The following PPP2R2C variants were observed in gnomAD, a reference collection of about 807,000 sequenced individuals.
The protein encoded by PPP2R2C is protein phosphatase 2 regulatory subunit Bgamma, also known as protein phosphatase 2, regulatory subunit B, gamma.
In PPP2R2C, 10 loss-of-function variants were observed where a neutral mutation model predicts 45.3. That is an observed-to-expected ratio of 0.22 (90% CI 0.14 to 0.37). PPP2R2C has a LOEUF of 0.37. PPP2R2C is among the 10% of genes least tolerant of loss of function. PPP2R2C has a pLI of 1.00. For synonymous variants in PPP2R2C, 257 were observed against 245.4 expected, an observed-to-expected ratio of 1.05 and a Z score of -0.44; for missense variants, 308 against 619.7, an observed-to-expected ratio of 0.50 and a Z score of 5.34.
rs71173440 is a variant in PPP2R2C at position 6,414,076 on chromosome 4, A to ATGTGTGTGTG, written c.71-32992_71-32983dup. 677 of 882,194 alleles carry ATGTGTGTGTG rather than the reference A, an allele frequency of 7.7e-4. 3 individuals are homozygous for ATGTGTGTGTG. The highest frequency in any genetic ancestry group is 2.1e-3 in the Middle Eastern group (6 of 2,870). The allele number at this position is 882,194 out of a possible 1,614,324, so 54.6% of individuals were successfully genotyped here. A position where few individuals can be genotyped will look rare whatever the true frequency, so the allele number is the denominator to read the frequency against. On this transcript the variant is annotated intron_variant, in intron 1 of 8. Transcript: ENST00000382599. ...ACAGTAACATAAGTTTTGCCTGTGT[A>ATGTGTGTGTG]TGTGTGTGTGTGTGTGTGTGTGTGT...
intron 1 of PPP2R2C, among the ~76,000 whole-genome samples, chr4:6,444,573 T>G (rs1720318672): frequency 6.6e-6 from 1 of 152,144 alleles, no homozygotes; most frequent in Non-Finnish European, 1.5e-5. Flanking sequence ...TCAGACCCCT[T>G]ATTTCCTATT....
chr4:6,333,672 CGGA>C lies in PPP2R2C; in HGVS notation c.847_849del (p.Ser283del). The C allele has an allele frequency of 6.2e-7, 1 of 1,614,106 alleles. No individual in the cohort carries two copies. Among genetic ancestry groups the C allele is most frequent in the Non-Finnish European group, 8.5e-7 (1 of 1,180,012 alleles). ...CTGTGGCTGAACTTCACGTCGGACA[CGGA>C]GGAGATGATTTCCGAGAAGAATGAG... On this transcript the variant is annotated inframe_deletion, in exon 7 of 9. Coordinates refer to ENST00000382599, the MANE Select transcript of PPP2R2C (RefSeq NM_020416.4).
At chr4:6,408,510 G>A (rs1024376265) in intron 1 of PPP2R2C, among the ~76,000 whole-genome samples, 2 of 152,186 alleles carry the variant, frequency 1.3e-5, no homozygotes, top group African/African-American at 4.8e-5. Context: ...CTGGGCCATC[G>A]TGAGCAGTAA....
intron 2 of PPP2R2C, among the ~76,000 whole-genome samples, chr4:6,490,523 C>T (rs771225092): frequency 2.6e-5 from 4 of 152,214 alleles, no homozygotes; most frequent in South Asian, 2.1e-4. Context: ...AGCACCCAAT[C>T]GTGCCTTGAG....
intron 6 of PPP2R2C, among the ~76,000 whole-genome samples, chr4:6,337,483 C>T (rs1178596466): frequency 1.3e-5 from 2 of 152,014 alleles, no homozygotes; most frequent in Admixed American, 6.6e-5. Context: ...GGAGGTGAGG[C>T]GGAGGTGAGT....
intron 1 of PPP2R2C, among the ~76,000 whole-genome samples, chr4:6,421,441 C>T (rs1242020066): frequency 6.6e-6 from 1 of 152,134 alleles, no homozygotes; most frequent in African/African-American, 2.4e-5. Context: ...CAATTCCGAG[C>T]ACCCCAAGTG....
At chr4:6,502,184 G>T (rs568235361) in intron 2 of PPP2R2C, among the ~76,000 whole-genome samples, 2 of 152,204 alleles carry the variant, frequency 1.3e-5, no homozygotes, top group African/African-American at 4.8e-5. Flanking sequence ...GCCCCTCAGG[G>T]TGGGGTAAAT....
intron 1 of PPP2R2C, among the ~76,000 whole-genome samples, chr4:6,562,414 A>G (rs1725605562): frequency 6.9e-6 from 1 of 145,154 alleles, no homozygotes; most frequent in Admixed American, 7.2e-5. Flanking sequence ...ACTTCTCTGC[A>G]CCTCAGTTTC....
intron 1 of PPP2R2C, among the ~76,000 whole-genome samples, chr4:6,453,825 G>A (rs902897525): frequency 6.6e-6 from 1 of 152,140 alleles, no homozygotes; most frequent in African/African-American, 2.4e-5. Context: ...CCCCACCGAG[G>A]GCCACGTTGG....
Position 6,381,032 on chromosome 4 carries a change from C to T in PPP2R2C, c.133G>A (p.Gly45Ser). The T allele has an allele frequency of 6.4e-7, 1 of 1,566,834 alleles. No homozygotes were observed. The highest frequency in any genetic ancestry group is 8.7e-7 in the Non-Finnish European group (1 of 1,152,084). ...TGELLATGDK[G>S]GRVVIFQREP... ...CGCTGGAAGATGACGACCCGGCCGC[C>T]CTTGTCACCTGTGGCCAGCAGCTCT... is the stretch of plus-strand genomic sequence containing the variant. Residue 45 changes from glycine (G) to serine (S), a missense_variant, in exon 2 of 9, where the codon GGC (glycine) becomes AGC (serine). By Grantham distance (56) the Gly-to-Ser change is moderately conservative. Transcript: ENST00000382599.
chr4:6,516,380 C>A (rs73088104), intron 2 of PPP2R2C, among the ~76,000 whole-genome samples: 1 of 152,224 alleles, frequency 6.6e-6, no homozygotes, highest in African/African-American at 2.4e-5. Flanking sequence ...CTCGTCTTAC[C>A]CGCAGTGCTG....
intron 2 of PPP2R2C, among the ~76,000 whole-genome samples, chr4:6,525,510 A>AC (rs1486698180): frequency 1.3e-5 from 2 of 151,340 alleles, no homozygotes; most frequent in Non-Finnish European, 3.0e-5. Context: ...TTAAAAAAAA[A>AC]CCTGAGTTCC....
At position 6,331,377 on chromosome 4, in the gene PPP2R2C, G is replaced by T. The variant is rs1732403722; in HGVS notation, c.961-2024C>A. On this transcript the variant is annotated intron_variant, in intron 7 of 8. Coordinates refer to ENST00000382599, the MANE Select transcript of PPP2R2C (RefSeq NM_020416.4). The surrounding 1 kb of genome is among the most constrained non-coding windows in gnomAD (Gnocchi z 5.9). The stretch of plus-strand genomic sequence containing the variant: ...ACCGGCCCCACCTCCCAGGACAGCT[G>T]GGAGGCTTAGATGAGGCAAAGCATA... Among the ~76,000 whole-genome samples the T allele has an allele frequency of 6.6e-6, 1 of 152,104 alleles. No individual in the cohort carries two copies. The highest frequency in any genetic ancestry group is 3.4e-3 in the Middle Eastern group (1 of 294).
intron 2 of PPP2R2C, among the ~76,000 whole-genome samples, chr4:6,519,893 G>A (rs914446600): frequency 6.9e-5 from 9 of 131,118 alleles, no homozygotes; most frequent in African/African-American, 2.6e-4. Flanking sequence ...ATGAGGGTGT[G>A]GGCTTGCAGT....
chr4:6,455,076 CT>C (rs1720947905), intron 1 of PPP2R2C, among the ~76,000 whole-genome samples: 1 of 152,098 alleles, frequency 6.6e-6, no homozygotes, highest in African/African-American at 2.4e-5. Context: ...GAAATCAATC[CT>C]TTGTTGTAAG....
chr4:6,341,352 AAAAAAACCC>A (rs1733429741), intron 6 of PPP2R2C, among the ~76,000 whole-genome samples: 1 of 151,542 alleles, frequency 6.6e-6, no homozygotes, highest in Non-Finnish European at 1.5e-5. Context: ...AAAAAAAAAA[AAAAAAACCC>A]AGCTCACCCA....
intron 1 of PPP2R2C, among the ~76,000 whole-genome samples, chr4:6,465,470 C>A (rs1721545216): frequency 6.6e-6 from 1 of 152,298 alleles, no homozygotes; most frequent in South Asian, 2.1e-4. Flanking sequence ...GTTCACCCTA[C>A]CCAGAGTTCC....
At chr4:6,464,223 A>C (rs1240428730) in intron 1 of PPP2R2C, among the ~76,000 whole-genome samples, 1 of 152,248 alleles carries the variant, frequency 6.6e-6, no homozygotes, top group Non-Finnish European at 1.5e-5. Flanking sequence ...GGTGAATCAT[A>C]ATAATGGCTA....
intron 1 of PPP2R2C, among the ~76,000 whole-genome samples, chr4:6,406,300 C>A (rs1021284479): frequency 1.3e-5 from 2 of 152,190 alleles, no homozygotes; most frequent in Non-Finnish European, 2.9e-5. Flanking sequence ...GGAAGTTGGT[C>A]TTTCTTAACC....
Sources: allele counts gnomAD v4.1 joint callset (sites outside exome capture counted in the v4.1 genomes callset), GRCh38; gene constraint gnomAD v4.1.1; non-coding constraint Gnocchi (gnomAD v3.1); transcripts MANE v1.5; gene names NCBI Gene and HGNC (gene_info 2026-07-23, HGNC 2026-07-21).